Variants in PRKCQ observed in about 807,000 individuals in gnomAD.
The protein encoded by PRKCQ is protein kinase C theta, also known as protein kinase C theta type.
A neutral mutation model predicts 91.2 loss-of-function variants in PRKCQ; 41 were observed. That is an observed-to-expected ratio of 0.45 (90% CI 0.35 to 0.58). The LOEUF (loss-of-function observed/expected upper bound fraction) is 0.58, where lower values mean the gene tolerates loss of function less well. Among genes scored for constraint, PRKCQ ranks in the 20% least tolerant of loss-of-function variants. PRKCQ has a pLI of 0.00. For missense variants in PRKCQ, 673 were observed against 896.5 expected (o/e 0.75, Z 3.18); for synonymous variants, 307 against 316.9 (o/e 0.97, Z 0.33).
intron 4 of PRKCQ, among the ~76,000 whole-genome samples, chr10:6,503,004 G>A (rs1275454128): frequency 6.6e-6 from 1 of 152,144 alleles, no homozygotes; most frequent in African/African-American, 2.4e-5. Flanking sequence ...CCATCTGTTT[G>A]TAACACACTT....
chr10:6,547,192 T>C (rs1188832639), intron 1 of PRKCQ, among the ~76,000 whole-genome samples: 2 of 152,118 alleles, frequency 1.3e-5, no homozygotes, highest in Non-Finnish European at 2.9e-5. Flanking sequence ...GAAGGACCTC[T>C]TCAAGGAGGA....
intron 8 of PRKCQ, among the ~76,000 whole-genome samples, 198 bp downstream of exon 8, chr10:6,491,485 G>A (rs1018787642): frequency 3.9e-5 from 6 of 152,180 alleles, no homozygotes; most frequent in African/African-American, 1.4e-4. Flanking sequence ...TCTGGGATGT[G>A]TGGGTGGGGG....
At chr10:6,500,998 G>A in intron 4 of PRKCQ, among the ~76,000 whole-genome samples, 1 of 152,062 alleles carries the variant, frequency 6.6e-6, no homozygotes, top group East Asian at 1.9e-4. Context: ...TGGCAAAAGA[G>A]ACCAAGAAGA....
chr10:6,539,594 A>G (rs540674938), intron 1 of PRKCQ, among the ~76,000 whole-genome samples: 2 of 152,176 alleles, frequency 1.3e-5, no homozygotes, highest in South Asian at 4.1e-4. Context: ...GTGAGTTGTA[A>G]TTATTTCATT....
At chr10:6,395,429 T>C in the PRKCQ span, among the ~76,000 whole-genome samples, 676 of 152,132 alleles carry the variant, frequency 4.4e-3, 5 homozygotes, top group Middle Eastern at 0.01. Flanking sequence ...TTTTTAAGAA[T>C]AATTTGGTAA....
At chr10:6,571,570 C>G (rs1385248307) in intron 1 of PRKCQ, among the ~76,000 whole-genome samples, 1 of 152,150 alleles carries the variant, frequency 6.6e-6, no homozygotes, top group Non-Finnish European at 1.5e-5. Context: ...CTTTGGGAGG[C>G]CAAGGCAGGA....
chr10:6,467,343 G>GACAGAC (rs1564324107), intron 12 of PRKCQ, among the ~76,000 whole-genome samples: 30 of 131,166 alleles, frequency 2.3e-4, no homozygotes, highest in African/African-American at 8.0e-4. Context: ...GACAGAGAGA[G>GACAGAC]AGAGAGAGAG....
At chr10:6,468,032 C>A (rs1835776887) in intron 12 of PRKCQ, among the ~76,000 whole-genome samples, 1 of 152,024 alleles carries the variant, frequency 6.6e-6, no homozygotes, top group South Asian at 2.1e-4. Context: ...CAGAGTGAGA[C>A]CCTGTCTTAA....
intron 12 of PRKCQ, among the ~76,000 whole-genome samples, chr10:6,471,456 G>C (rs1179367147): frequency 6.6e-6 from 1 of 152,114 alleles, no homozygotes. Context: ...AAAGGAGGGA[G>C]AGTAGGCTGG....
At chr10:6,407,724 AACAG>A in the PRKCQ span, among the ~76,000 whole-genome samples, 7 of 152,166 alleles carry the variant, frequency 4.6e-5, no homozygotes, top group South Asian at 6.2e-4. This position sits in a 1 kb window ranked among gnomAD's most constrained non-coding sequence, Gnocchi z 4.0. Context: ...GTGTTCATGT[AACAG>A]ACAGAACAGT....
intron 12 of PRKCQ, among the ~76,000 whole-genome samples, chr10:6,476,903 G>A (rs1001686749): frequency 1.3e-5 from 2 of 151,954 alleles, no homozygotes; most frequent in African/African-American, 4.8e-5. Context: ...GCATGGAGAG[G>A]GTGGCAGAGT....
chr10:6,504,814 A>AT (rs1311095336), intron 4 of PRKCQ, among the ~76,000 whole-genome samples: 5 of 152,200 alleles, frequency 3.3e-5, no homozygotes, highest in Non-Finnish European at 7.4e-5. Flanking sequence ...TTAAAATTAG[A>AT]TTTTTTTGAC....
intron 14 of PRKCQ, among the ~76,000 whole-genome samples, chr10:6,459,840 T>C (rs1160732770): frequency 6.6e-6 from 1 of 152,180 alleles, no homozygotes; most frequent in Non-Finnish European, 1.5e-5. Context: ...GCCACCAAAT[T>C]TGGGGTAATT....
At chr10:6,418,094 C>T in the PRKCQ span, among the ~76,000 whole-genome samples, 1 of 152,218 alleles carries the variant, frequency 6.6e-6, no homozygotes, top group Non-Finnish European at 1.5e-5. Context: ...TATTTGACAG[C>T]AAGAGTTCTA....
the PRKCQ span, among the ~76,000 whole-genome samples, chr10:6,414,896 GA>G: frequency 6.6e-6 from 1 of 152,048 alleles, no homozygotes; most frequent in Non-Finnish European, 1.5e-5. Flanking sequence ...GGAGGAGACA[GA>G]AAATACATTT....
At chr10:6,575,215 C>T (rs978839479) in intron 1 of PRKCQ, among the ~76,000 whole-genome samples, 1 of 152,230 alleles carries the variant, frequency 6.6e-6, no homozygotes. Flanking sequence ...CTGACCACAT[C>T]TCCCTGTGGG....
intron 1 of PRKCQ, among the ~76,000 whole-genome samples, chr10:6,565,525 T>A (rs778331962): frequency 2.0e-5 from 3 of 152,248 alleles, no homozygotes; most frequent in Non-Finnish European, 2.9e-5. Flanking sequence ...GAAGTGCTCA[T>A]TTATGCTTAG....
intron 1 of PRKCQ, among the ~76,000 whole-genome samples, chr10:6,535,195 G>A (rs1279164496): frequency 2.6e-5 from 4 of 151,992 alleles, no homozygotes; most frequent in Non-Finnish European, 4.4e-5. Context: ...GGCACCATTC[G>A]GATGCCCAGT....
chr10:6,561,411 A>G (rs1022255093), intron 1 of PRKCQ, among the ~76,000 whole-genome samples: 4 of 151,616 alleles, frequency 2.6e-5, no homozygotes, highest in African/African-American at 7.3e-5. Context: ...CAAGAAAAAA[A>G]GAAATGTTTC....
Sources: gnomAD v4.1 joint callset for allele counts (sites outside exome capture counted in the v4.1 genomes callset) on GRCh38, gnomAD v4.1.1 for gene constraint, Gnocchi (gnomAD v3.1) non-coding constraint, MANE v1.5 for transcripts, NCBI Gene and HGNC (gene_info 2026-07-23, HGNC 2026-07-21) for gene names.